Variants in CCDC7 observed in about 807,000 individuals in gnomAD.
CCDC7 encodes the protein coiled-coil domain containing 7, also known as coiled-coil domain-containing protein 7.
In CCDC7, 183 loss-of-function variants were observed where a neutral mutation model predicts 196.9. The ratio of observed to expected loss-of-function variants is 0.93; its 90% CI spans 0.82 to 1.05. The LOEUF (loss-of-function observed/expected upper bound fraction) is 1.05. Among genes scored for constraint, CCDC7 ranks in the 50% least tolerant of loss-of-function variants. The pLI, the probability that CCDC7 is intolerant of heterozygous loss-of-function variation, is 0.00. For missense variants in CCDC7, 1,540 were observed against 1,482.2 expected (o/e 1.04, Z -0.64); for synonymous variants, 525 against 484.6 (o/e 1.08, Z -1.10).
exon 30 of CCDC7, chr10:32,805,075 A>C (rs755802868): frequency 3.0e-5 from 49 of 1,611,036 alleles, no homozygotes; most frequent in Admixed American, 2.7e-4. Flanking sequence ...GATGAATTCA[A>C]GACACAGTCA....
intron 11 of CCDC7, among the ~76,000 whole-genome samples, chr10:32,542,758 A>G (rs567933975): frequency 2.6e-5 from 4 of 151,942 alleles, no homozygotes; most frequent in Non-Finnish European, 5.9e-5. Flanking sequence ...ATTTCCTTCC[A>G]CTGTGCAATA....
intron 13 of CCDC7, among the ~76,000 whole-genome samples, chr10:32,559,690 A>G (rs998067573): frequency 6.6e-6 from 1 of 151,890 alleles, no homozygotes; most frequent in East Asian, 1.9e-4. Flanking sequence ...ATCATCAAAG[A>G]CCAAAAGTAG....
At chr10:32,610,035 T>A (rs2061937103) in intron 18 of CCDC7, among the ~76,000 whole-genome samples, 1 of 151,748 alleles carries the variant, frequency 6.6e-6, no homozygotes, top group South Asian at 2.1e-4. Flanking sequence ...TATGAGTGTG[T>A]GTGTGTGTGT....
intron 21 of CCDC7, among the ~76,000 whole-genome samples, chr10:32,666,906 G>C (rs1310497216): frequency 6.6e-6 from 1 of 152,092 alleles, no homozygotes; most frequent in Admixed American, 6.6e-5. Context: ...TGGGATGGCT[G>C]GGTCAAATGG....
At chr10:32,488,177 G>A (rs374043571) in intron 8 of CCDC7, among the ~76,000 whole-genome samples, 1 of 152,176 alleles carries the variant, frequency 6.6e-6, no homozygotes, top group Admixed American at 6.5e-5. Context: ...TTCAAGCCTC[G>A]GCAATGGCGG....
At position 32,644,016 on chromosome 10, in the gene CCDC7, T is replaced by C. The variant is rs530709343; in HGVS notation, c.2014+8858T>C. Reference sequence around the variant, plus strand: ...ATTCAGAGGCTTCACAATTAAATGGTGTCACTCTTTATTGTAGTCTAAGCC... The same window carrying C: ...ATTCAGAGGCTTCACAATTAAATGGCGTCACTCTTTATTGTAGTCTAAGCC... On this transcript the variant is annotated intron_variant, in intron 20 of 41. Coordinates refer to ENST00000639629, the Ensembl canonical transcript of CCDC7. Among the ~76,000 whole-genome samples, 4 of 127,464 alleles carry C rather than the reference T, an allele frequency of 3.1e-5. No individual in the cohort carries two copies. In the East Asian group the frequency reaches 7.8e-4, roughly 25 times the overall value. The allele number at this position is 127,464 out of a possible 152,430, so 83.6% of individuals were successfully genotyped here. A position where few individuals can be genotyped will look rare whatever the true frequency, so the allele number is the denominator to read the frequency against.
intron 14 of CCDC7, among the ~76,000 whole-genome samples, chr10:32,566,917 A>G (rs12774663): frequency 0.35 from 49,995 of 143,834 alleles, 10,974 homozygotes; most frequent in Non-Finnish European, 0.5. Context: ...ATAATTATAT[A>G]TTATATATAT....
At chr10:32,757,151 T>A (rs901434193) in intron 28 of CCDC7, among the ~76,000 whole-genome samples, 1 of 152,062 alleles carries the variant, frequency 6.6e-6, no homozygotes, top group Admixed American at 6.6e-5. Context: ...ACAATAATAA[T>A]GGGAGACTTT....
chr10:32,689,148 G>A (rs758979320), exon 23 of CCDC7: 3 of 1,573,568 alleles, frequency 1.9e-6, no homozygotes, highest in East Asian at 4.5e-5. Context: ...AACTCTCAAA[G>A]GGCAAAGAAT....
chr10:32,702,592 G>A (rs533762355), intron 24 of CCDC7, among the ~76,000 whole-genome samples: 44 of 152,186 alleles, frequency 2.9e-4, no homozygotes, highest in African/African-American at 8.4e-4. Context: ...TCTCTGTCTC[G>A]TTGATCTGTC....
intron 20 of CCDC7, among the ~76,000 whole-genome samples, chr10:32,635,762 T>A (rs1164854874): frequency 1.3e-5 from 2 of 151,736 alleles, no homozygotes; most frequent in Admixed American, 6.6e-5. Context: ...TTAACATTCC[T>A]CTTTGTGTTT....
Position 32,676,766 on chromosome 10 carries a change from TTGG to T in CCDC7, c.2123-9200_2123-9198del, listed in dbSNP as rs566020340. Among the ~76,000 whole-genome samples, 170 of 152,250 alleles carry T rather than the reference TTGG, an allele frequency of 1.1e-3. 1 individual carries two copies. The highest frequency in any genetic ancestry group is 3.8e-3 in the African/African-American group (160 of 41,562). On this transcript the variant is annotated intron_variant, in intron 21 of 41. Transcript: ENST00000639629. ...GAGAAATAGGAACACTTTTACACTG[TTGG>T]TGGGACTGTAAACTAGTTCACCCAT...
At chr10:32,547,959 C>G (rs1452440650) in intron 13 of CCDC7, among the ~76,000 whole-genome samples, 2 of 152,160 alleles carry the variant, frequency 1.3e-5, no homozygotes, top group Non-Finnish European at 1.5e-5. Context: ...CTCTTGCCCT[C>G]AAGTCCCCAA....
intron 21 of CCDC7, among the ~76,000 whole-genome samples, chr10:32,675,496 T>C (rs1187237405): frequency 6.6e-6 from 1 of 152,184 alleles, no homozygotes; most frequent in African/African-American, 2.4e-5. Flanking sequence ...ATTATAGTTA[T>C]CCTTAATACT....
intron 28 of CCDC7, among the ~76,000 whole-genome samples, chr10:32,758,316 A>G (rs2076827985): frequency 1.3e-5 from 2 of 152,210 alleles, no homozygotes; most frequent in South Asian, 4.1e-4. Flanking sequence ...ATTTTAGACC[A>G]ATATCCCTGA....
exon 17 of CCDC7, chr10:32,583,295 A>G: frequency 8.1e-7 from 1 of 1,230,896 alleles, no homozygotes; most frequent in Non-Finnish European, 1.0e-6. Flanking sequence ...CTGTTCTTAC[A>G]GAAAGTAAAA....
chr10:32,843,000 G>T (rs1176675501), intron 33 of CCDC7, among the ~76,000 whole-genome samples: 2 of 151,886 alleles, frequency 1.3e-5, no homozygotes, highest in East Asian at 3.9e-4. Context: ...CACTGCTCAG[G>T]TGATGGGTGC....
At chr10:32,654,688 G>T (rs547988239) in intron 20 of CCDC7, among the ~76,000 whole-genome samples, 4 of 152,262 alleles carry the variant, frequency 2.6e-5, no homozygotes, top group Admixed American at 2.6e-4. Flanking sequence ...TGCTTTCAAT[G>T]CTGAGGTAAG....
At chr10:32,455,540 C>T (rs2034149242) in intron 2 of CCDC7, among the ~76,000 whole-genome samples, 1 of 152,122 alleles carries the variant, frequency 6.6e-6, no homozygotes, top group South Asian at 2.1e-4. Flanking sequence ...TGGTCTTGAA[C>T]TCCTGACCTC....
Sources: gnomAD v4.1 joint callset for allele counts (sites outside exome capture counted in the v4.1 genomes callset) on GRCh38, gnomAD v4.1.1 for gene constraint, MANE v1.5 for transcripts, NCBI Gene and HGNC (gene_info 2026-07-23, HGNC 2026-07-21) for gene names.